Variants in SDK1 observed in about 807,000 individuals in gnomAD.
SDK1 encodes sidekick cell adhesion molecule 1.
In SDK1, 157 loss-of-function variants were observed where a neutral mutation model predicts 245.5. That is an observed-to-expected ratio of 0.64 (90% CI 0.56 to 0.73). The LOEUF is 0.73. Ranked by LOEUF, SDK1 falls within the 30% of genes least tolerant of loss-of-function variation. SDK1 has a pLI of 0.00. For synonymous variants in SDK1, 1,647 were observed against 1,278.5 expected, an observed-to-expected ratio of 1.29 and a Z score of -6.15; for missense variants, 3,583 against 3,002.3, an observed-to-expected ratio of 1.19 and a Z score of -4.52.
intron 14 of SDK1, among the ~76,000 whole-genome samples, chr7:4,010,357 C>T (rs1227231763): frequency 6.6e-6 from 1 of 152,152 alleles, no homozygotes; most frequent in African/African-American, 2.4e-5. Context: ...ATTTGGCTGG[C>T]AGAGTCCCTC....
intron 1 of SDK1, among the ~76,000 whole-genome samples, chr7:3,436,107 A>T (rs1192055733): frequency 6.6e-6 from 1 of 152,230 alleles, no homozygotes. Flanking sequence ...TCAATATAAT[A>T]TGGTTCTTAA....
chr7:3,866,931 C>T (rs562548099), intron 5 of SDK1, among the ~76,000 whole-genome samples: 46 of 152,312 alleles, frequency 3.0e-4, no homozygotes, highest in Admixed American at 9.8e-4. Flanking sequence ...CAGCCCTCAG[C>T]TCAGTCTCCT....
chr7:3,551,901 A>AG (rs1450553363), intron 1 of SDK1, among the ~76,000 whole-genome samples: 1 of 152,204 alleles, frequency 6.6e-6, no homozygotes, highest in African/African-American at 2.4e-5. Context: ...ATTTAGAATT[A>AG]GAAATTGTGA....
At chr7:3,566,119 A>G (rs1020734824) in intron 1 of SDK1, among the ~76,000 whole-genome samples, 20 of 152,150 alleles carry the variant, frequency 1.3e-4, no homozygotes, top group African/African-American at 4.8e-4. Flanking sequence ...TAGAGTTTTT[A>G]TTCTCTTGGA....
At chr7:4,197,614 G>A (rs1331441737) in intron 35 of SDK1, among the ~76,000 whole-genome samples, 1 of 152,258 alleles carries the variant, frequency 6.6e-6, no homozygotes, top group African/African-American at 2.4e-5. Flanking sequence ...CGCAGCTTCT[G>A]TGATGGTGTA....
chr7:4,161,677 A>G, intron 31 of SDK1, 109 bp from the exon 32 acceptor site: 1 of 819,156 alleles, frequency 1.2e-6, no homozygotes, highest in Non-Finnish European at 2.1e-6. Context: ...TGGAGAAGGA[A>G]GGAGGCAGGG....
At chr7:3,343,039 C>T (rs1426123909) in intron 1 of SDK1, among the ~76,000 whole-genome samples, 16 of 146,430 alleles carry the variant, frequency 1.1e-4, no homozygotes, top group Non-Finnish European at 4.5e-5. Flanking sequence ...GGTGAAGATG[C>T]AGAGAAACAT....
intron 4 of SDK1, among the ~76,000 whole-genome samples, chr7:3,706,715 T>A (rs191617830): frequency 1.4e-3 from 220 of 152,306 alleles, no homozygotes; most frequent in East Asian, 6.0e-3. Context: ...AACTTTTTTT[T>A]AAATTACTCA....
At chr7:3,536,693 C>CA (rs397933900) in intron 1 of SDK1, among the ~76,000 whole-genome samples, 2,998 of 128,552 alleles carry the variant, frequency 0.023, 45 homozygotes, top group African/African-American at 0.04. Context: ...GACTCTGTCT[C>CA]AAAAAAAAAA....
chr7:3,559,757 CAAAA>C (rs11424233), intron 1 of SDK1, among the ~76,000 whole-genome samples: 14 of 127,566 alleles, frequency 1.1e-4, no homozygotes, highest in Admixed American at 2.3e-4. Context: ...TGTATTTTTT[CAAAA>C]AAAAAAAAAA....
chr7:3,693,304 A>C (rs1445716680), intron 4 of SDK1, among the ~76,000 whole-genome samples: 1 of 152,066 alleles, frequency 6.6e-6, no homozygotes. Context: ...CGTAATATTC[A>C]TTATTCCAAA....
intron 2 of SDK1, among the ~76,000 whole-genome samples, chr7:3,637,701 G>T (rs186274346): frequency 1.1e-3 from 172 of 152,288 alleles, no homozygotes; most frequent in Non-Finnish European, 2.0e-3. Flanking sequence ...AGACAGGCAT[G>T]GATTTGAAGG....
chr7:3,788,357 A>G (rs953121994), intron 4 of SDK1, among the ~76,000 whole-genome samples: 1 of 152,192 alleles, frequency 6.6e-6, no homozygotes, highest in Non-Finnish European at 1.5e-5. Context: ...AAGGAGTTTG[A>G]GAAATGCAGT....
At chr7:4,054,477 T>C (rs1204765266) in intron 19 of SDK1, among the ~76,000 whole-genome samples, 1 of 152,234 alleles carries the variant, frequency 6.6e-6, no homozygotes, top group Non-Finnish European at 1.5e-5. Flanking sequence ...CTGTACAGTT[T>C]GACACATGTG....
At chr7:4,009,455 G>C (rs941881296) in intron 14 of SDK1, among the ~76,000 whole-genome samples, 9 of 152,326 alleles carry the variant, frequency 5.9e-5, no homozygotes, top group African/African-American at 2.2e-4. Flanking sequence ...TAGGCTCCCA[G>C]AGTAAAAAGG....
chr7:3,838,265 A>G (rs2115083851), intron 5 of SDK1, among the ~76,000 whole-genome samples: 1 of 152,346 alleles, frequency 6.6e-6, no homozygotes, highest in East Asian at 1.9e-4. Context: ...TAGGGAAGTC[A>G]AGGGTGAGAT....
intron 5 of SDK1, among the ~76,000 whole-genome samples, chr7:3,907,709 G>A (rs1055209227): frequency 6.6e-6 from 1 of 152,192 alleles, no homozygotes; most frequent in East Asian, 1.9e-4. Flanking sequence ...AAATCACAAA[G>A]GTGTAGCACC....
intron 1 of SDK1, among the ~76,000 whole-genome samples, chr7:3,391,659 C>T (rs1781759716): frequency 1.6e-5 from 2 of 125,504 alleles, no homozygotes; most frequent in Non-Finnish European, 1.6e-5. Context: ...TTTTTTGAGA[C>T]AGGGTCTTGC....
chr7:3,779,462 A>C (rs954690135), intron 4 of SDK1, among the ~76,000 whole-genome samples: 1 of 151,582 alleles, frequency 6.6e-6, no homozygotes, highest in African/African-American at 2.4e-5. Context: ...TTTTTTTTAA[A>C]AAAAAAAAAC....
Sources: allele counts gnomAD v4.1 joint callset (sites outside exome capture counted in the v4.1 genomes callset), GRCh38; gene constraint gnomAD v4.1.1; transcripts MANE v1.5; gene names NCBI Gene and HGNC (gene_info 2026-07-23, HGNC 2026-07-21).